Variants in SIGLEC1 observed in about 807,000 individuals in gnomAD.
SIGLEC1 encodes sialic acid binding Ig like lectin 1, also known as sialoadhesin.
A neutral mutation model predicts 148.0 loss-of-function variants in SIGLEC1; 132 were observed. That is an observed-to-expected ratio of 0.89 (90% CI 0.77 to 1.03). The LOEUF is 1.03. Ranked by LOEUF, SIGLEC1 falls within the 50% of genes least tolerant of loss-of-function variation. The pLI, the probability that SIGLEC1 is intolerant of heterozygous loss-of-function variation, is 0.00. For missense variants in SIGLEC1, 2,253 were observed against 2,271.4 expected, an observed-to-expected ratio of 0.99 and a Z score of 0.16; for synonymous variants, 945 against 969.0, an observed-to-expected ratio of 0.98 and a Z score of 0.46.
rs757998123 is a variant in SIGLEC1 at position 3,690,210 on chromosome 20, C to T, written c.4646G>A (p.Arg1549Gln). 33 of 1,556,728 alleles carry T rather than the reference C, an allele frequency of 2.1e-5. No homozygotes were observed. The highest frequency in any genetic ancestry group is 2.7e-5 in the African/African-American group (2 of 73,250). Residue 1549 changes from arginine (R) to glutamine (Q), a missense_variant, in exon 19 of 22, where the codon CGG becomes CAG. Physicochemically the swap from Arg to Gln is conservative, Grantham distance 43. Coordinates refer to ENST00000344754, the MANE Select transcript of SIGLEC1 (RefSeq NM_023068.4). ...MVFVEPEGGL[R>Q]GILDCRVDSE... ...GTCCACTCGGCAATCCAGGATGCCC[C>T]GGAGGCCACCCTCAGGCTCCACGAA...
Position 3,692,659 on chromosome 20 carries a change from C to A in SIGLEC1, c.3892G>T (p.Gly1298Cys), listed in dbSNP as rs761343460. ...APTLYTWYHN[G>C]RWLQEGPAAS... The stretch of plus-strand genomic sequence containing the variant: ...GCTGGACCCTCCTGCAGCCAACGAC[C>A]GTTGTGGTACCAAGTATAGAGTGTG... Residue 1298 changes from glycine to cysteine, a missense_variant, in exon 16 of 22, where the codon GGT becomes TGT. Gly to Cys is a radical substitution (Grantham distance 159). Transcript: ENST00000344754. 6.2e-7 allele frequency: 1 copy of A among 1,613,150 alleles called. No homozygotes were observed.
chr20:3,699,305 C>G lies in SIGLEC1; in HGVS notation c.1683G>C (p.Leu561=). ...LLHEGPGSSL[L]LPAASSTDAG... The stretch of plus-strand genomic sequence containing the variant: ...CGTCAGTGCTGGAGGCCGCGGGGAG[C>G]AGGAGGCTGCTGCCGGGACCCTCGT... Residue 561 remains leucine (L), a synonymous_variant, in exon 8 of 22, where the codon CTG becomes CTC. Coordinates refer to ENST00000344754, the MANE Select transcript of SIGLEC1 (RefSeq NM_023068.4). 1 of 1,608,540 alleles carries G rather than the reference C, an allele frequency of 6.2e-7. No individual in the cohort carries two copies. Among genetic ancestry groups the G allele is most frequent in the African/African-American group, 1.3e-5 (1 of 75,018 alleles).
In SIGLEC1 at chr20:3,703,845, G is replaced by A; in HGVS notation, c.953C>T (p.Pro318Leu). 2.5e-6 allele frequency: 4 copies of A among 1,614,042 alleles called. No individual in the cohort carries two copies. The highest frequency in any genetic ancestry group is 3.4e-6 in the Non-Finnish European group (4 of 1,180,030). The part of the protein sequence containing the change: ...ENGVGSLVSP[P>L]ISLHIFMAEV... ...CTCACTGAAGATGTGGAGGCTGATG[G>A]GGGGTGAGACCAAAGAGCCCACGCC... The change falls in exon 5 of 22, where the codon CCC (proline) becomes CTC (leucine). Residue 318 changes from proline to leucine, a missense_variant. Physicochemically the swap from Pro to Leu is moderately conservative, Grantham distance 98. Coordinates refer to ENST00000344754, the MANE Select transcript of SIGLEC1 (RefSeq NM_023068.4).
At chr20:3,709,763 T>C (rs2087918677) in intron 1 of SIGLEC1, among the ~76,000 whole-genome samples, 1 of 152,226 alleles carries the variant, frequency 6.6e-6, no homozygotes, top group Non-Finnish European at 1.5e-5. Context: ...CTAACATATG[T>C]GAACCTTGAA....
In SIGLEC1 at chr20:3,692,905, G is replaced by T; in HGVS notation, c.3735C>A (p.Ser1245Arg). 1.2e-6 allele frequency: 2 copies of T among 1,612,150 alleles called. No individual in the cohort carries two copies. The highest frequency in any genetic ancestry group is 1.7e-6 in the Non-Finnish European group (2 of 1,179,872). ...GGGACGTGTTGGCCTGGCCCAGAGG[G>T]CTGCGGGCAGAGCAGCTGTAGAAAC... Reference protein sequence around the residue: ...DEGFYSCSARSPLGQANTSLE... With the variant: ...DEGFYSCSARRPLGQANTSLE... The change falls in exon 15 of 22, where the codon AGC (serine) becomes AGA (arginine). Residue 1245 changes from serine to arginine, a missense_variant. Transcript: ENST00000344754.
In SIGLEC1 at chr20:3,693,536, G is replaced by T; in HGVS notation, c.3419C>A (p.Thr1140Lys). The T allele has an allele frequency of 6.2e-7, 1 of 1,612,292 alleles. No individual in the cohort carries two copies. The highest frequency in any genetic ancestry group is 1.1e-5 in the South Asian group (1 of 90,818). The change falls in exon 14 of 22, where the codon ACA (threonine) becomes AAA (lysine). Residue 1140 changes from threonine to lysine, a missense_variant. Transcript: ENST00000344754. ...GCGGTAGGAGGTGGCATCCCTGACT[G>T]TGACGTTGGGCAGGGGGATGGAGTG... ...DAHSIPLPNV[T>K]VRDATSYRCG...
At chr20:3,698,195 C>G in intron 8 of SIGLEC1, 62 bp from the exon 9 acceptor site, 1 of 1,394,330 alleles carries the variant, frequency 7.2e-7, no homozygotes, top group Non-Finnish European at 9.7e-7. Flanking sequence ...ACAAGCCTGG[C>G]TAGGCTCCCA....
Position 3,706,600 on chromosome 20 carries a change from G to C in SIGLEC1, c.156C>G (p.Pro52=), listed in dbSNP as rs370268267. 5 of 1,609,890 alleles carry C rather than the reference G, an allele frequency of 3.1e-6. No individual in the cohort carries two copies. Among genetic ancestry groups the C allele is most frequent in the Non-Finnish European group, 2.5e-6 (3 of 1,178,530 alleles). Reference sequence around the variant, plus strand: ...AGTACCAGATGGCCGTGATGCCGTCGGGCACCTCCACGTCGGCAGGGAAGC... The same window carrying C: ...AGTACCAGATGGCCGTGATGCCGTCCGGCACCTCCACGTCGGCAGGGAAGC... ...IFSFPADVEV[P]DGITAIWYYD... The change falls in exon 3 of 22, where the codon CCC becomes CCG. Residue 52 remains proline (P), a synonymous_variant. Coordinates refer to ENST00000344754, the MANE Select transcript of SIGLEC1 (RefSeq NM_023068.4).
Position 3,693,149 on chromosome 20 carries a change from C to T in SIGLEC1, c.3509-18G>A. Reference sequence around the variant, plus strand: ...GGGCGCGTCTGCAGGGCATGAGAGGCTTACACGGAGTCACAGGCAGCAGCC... The same window carrying T: ...GGGCGCGTCTGCAGGGCATGAGAGGTTTACACGGAGTCACAGGCAGCAGCC... On this transcript the variant is annotated intron_variant, in intron 14 of 21. Coordinates refer to ENST00000344754, the MANE Select transcript of SIGLEC1 (RefSeq NM_023068.4). The T allele has an allele frequency of 6.6e-7, 1 of 1,521,606 alleles. No individual in the cohort carries two copies. The highest frequency in any genetic ancestry group is 8.8e-7 in the Non-Finnish European group (1 of 1,142,680). 94.3% of individuals were successfully genotyped at this position (1,521,606 alleles called of 1,614,324 possible). A position where few individuals can be genotyped will look rare whatever the true frequency, so the allele number is the denominator to read the frequency against.
Position 3,693,553 on chromosome 20 carries a change from G to T in SIGLEC1, c.3402C>A (p.Ile1134=). The stretch of plus-strand genomic sequence containing the variant: ...CCCTGACTGTGACGTTGGGCAGGGG[G>T]ATGGAGTGGGCATCCAGGCGCTGCT... ...DGQQRLDAHS[I]PLPNVTVRDA... Residue 1134 remains isoleucine, a synonymous_variant, in exon 14 of 22, where the codon ATC becomes ATA. Coordinates refer to ENST00000344754, the MANE Select transcript of SIGLEC1 (RefSeq NM_023068.4). 6.2e-7 allele frequency: 1 copy of T among 1,612,654 alleles called. No individual in the cohort carries two copies. The highest frequency in any genetic ancestry group is 8.5e-7 in the Non-Finnish European group (1 of 1,179,542).
In SIGLEC1 at chr20:3,692,665, G is replaced by A. The variant is rs760676443; in HGVS notation, c.3886C>T (p.His1296Tyr). The A allele has an allele frequency of 1.6e-5, 26 of 1,613,026 alleles. No individual in the cohort carries two copies. Among genetic ancestry groups the A allele is most frequent in the Non-Finnish European group, 2.1e-5 (25 of 1,180,034 alleles). Residue 1296 changes from histidine (H) to tyrosine (Y), a missense_variant, in exon 16 of 22, where the codon CAC (histidine) becomes TAC (tyrosine). Coordinates refer to ENST00000344754, the MANE Select transcript of SIGLEC1 (RefSeq NM_023068.4). Reference sequence around the variant, plus strand: ...CCCTCCTGCAGCCAACGACCGTTGTGGTACCAAGTATAGAGTGTGGGTGCG... The same window carrying A: ...CCCTCCTGCAGCCAACGACCGTTGTAGTACCAAGTATAGAGTGTGGGTGCG... Reference protein sequence around the residue: ...AHAPTLYTWYHNGRWLQEGPA... With the variant: ...AHAPTLYTWYYNGRWLQEGPA...
intron 7 of SIGLEC1, among the ~76,000 whole-genome samples, chr20:3,700,573 C>T (rs2087842678): frequency 2.0e-5 from 3 of 152,008 alleles, no homozygotes; most frequent in South Asian, 2.1e-4. Flanking sequence ...AACAGAGCAA[C>T]ACCCTATCTC....
chr20:3,691,704 C>T (rs2088765240), intron 17 of SIGLEC1, 104 bp from the exon 18 acceptor site: 4 of 1,469,990 alleles, frequency 2.7e-6, no homozygotes, highest in African/African-American at 2.8e-5. Flanking sequence ...GGGAAGGTCT[C>T]AGTCTGACTT....
At position 3,687,219 on chromosome 20, in the gene SIGLEC1, C is replaced by T. The variant is rs2088708254; in HGVS notation, c.*1341G>A. 6.6e-6 allele frequency: 1 copy of T among 152,272 alleles called. No individual in the cohort carries two copies. Among genetic ancestry groups the T allele is most frequent in the Non-Finnish European group, 1.5e-5 (1 of 68,060 alleles). 9.4% of individuals were successfully genotyped at this position (152,272 alleles called of 1,614,324 possible). On this transcript the variant is annotated 3_prime_UTR_variant, in exon 22 of 22. Transcript: ENST00000344754. ...CGCTCCTCACACCATCTCCACCAGG[C>T]TGCAGGGGGAGTCACTAGCCCACTC... is the stretch of plus-strand genomic sequence containing the variant.
chr20:3,706,254 G>A, intron 3 of SIGLEC1, 93 bp downstream of exon 3: 1 of 1,497,418 alleles, frequency 6.7e-7, no homozygotes, highest in Non-Finnish European at 9.0e-7. Context: ...GCTGGGGTTA[G>A]ATTCAGGACA....
intron 6 of SIGLEC1, 74 bp from the exon 7 acceptor site, chr20:3,701,715 AC>A: frequency 7.2e-7 from 1 of 1,391,356 alleles, no homozygotes; most frequent in Non-Finnish European, 9.6e-7. Context: ...ACAACCCGTG[AC>A]CTCTGCACCG....
intron 4 of SIGLEC1, among the ~76,000 whole-genome samples, chr20:3,705,512 A>G (rs2087885697): frequency 6.6e-6 from 1 of 152,132 alleles, no homozygotes; most frequent in Admixed American, 6.5e-5. Flanking sequence ...TTCTCTGCCC[A>G]GCCTGGCCTC....
rs3746638 is a variant in SIGLEC1, at chr20:3,694,686, G to A, written c.2921C>T (p.Ala974Val). The change falls in exon 12 of 22, where the codon GCA becomes GTA. Residue 974 changes from alanine to valine, a missense_variant. Physicochemically the swap from Ala to Val is moderately conservative, Grantham distance 64. Coordinates refer to ENST00000344754, the MANE Select transcript of SIGLEC1 (RefSeq NM_023068.4). ...ACAGGACACGTGGAGGCTGATGGGT[G>A]CAGCTAGGCTCGTGGTGGCTGAGCC... ...APGSATTSLA[A>V]PISLHVSYAP... The A allele has an allele frequency of 0.53, 848,090 of 1,613,248 alleles. 226,070 individuals carry two copies. Among genetic ancestry groups the A allele is most frequent in the East Asian group, 0.71 (31,756 of 44,864 alleles).
At position 3,697,228 on chromosome 20, in the gene SIGLEC1, C is replaced by T. The variant is rs746044452; in HGVS notation, c.2237G>A (p.Arg746Gln). The change falls in exon 10 of 22, where the codon CGA becomes CAA. Residue 746 changes from arginine to glutamine, a missense_variant. By Grantham distance (43) the Arg-to-Gln change is conservative. Coordinates refer to ENST00000344754, the MANE Select transcript of SIGLEC1 (RefSeq NM_023068.4). ...AGSPANFSWF[R>Q]NGVLWAQGPL... ...ACCCTGGGCCCACAGCACCCCATTT[C>T]GGAACCAGGAGAAGTTAGCAGGGCT... is the stretch of plus-strand genomic sequence containing the variant. The T allele has an allele frequency of 4.3e-6, 7 of 1,613,986 alleles. No individual in the cohort carries two copies. Among genetic ancestry groups the T allele is most frequent in the East Asian group, 4.5e-5 (2 of 44,884 alleles).
Sources: gnomAD v4.1 joint callset for allele counts (sites outside exome capture counted in the v4.1 genomes callset) on GRCh38, gnomAD v4.1.1 for gene constraint, MANE v1.5 for transcripts, NCBI Gene and HGNC (gene_info 2026-07-23, HGNC 2026-07-21) for gene names.